The following CAMK1D variants were observed in gnomAD, a reference collection of about 807,000 sequenced individuals.
CAMK1D encodes the protein calcium/calmodulin dependent protein kinase ID, also known as calcium/calmodulin-dependent protein kinase type 1D.
In CAMK1D, 9 loss-of-function variants were observed where a neutral mutation model predicts 47.7. That is an observed-to-expected ratio of 0.19 (90% CI 0.11 to 0.33). The LOEUF (loss-of-function observed/expected upper bound fraction) is 0.33, where lower values mean the gene tolerates loss of function less well. Among genes scored for constraint, CAMK1D ranks in the 10% least tolerant of loss-of-function variants. The pLI is 1.00. For missense variants in CAMK1D, 291 were observed against 488.7 expected (o/e 0.60, Z 3.81); for synonymous variants, 184 against 184.9 (o/e 0.99, Z 0.04).
intron 2 of CAMK1D, among the ~76,000 whole-genome samples, chr10:12,666,102 G>A (rs767952732): frequency 9.9e-5 from 15 of 151,984 alleles, no homozygotes; most frequent in South Asian, 2.1e-4. Flanking sequence ...GGTGCTGCCT[G>A]TTTGAGAACC....
chr10:12,485,659 C>G (rs566834288), intron 1 of CAMK1D, among the ~76,000 whole-genome samples: 6 of 152,262 alleles, frequency 3.9e-5, no homozygotes, highest in African/African-American at 1.4e-4. Flanking sequence ...GCTCAAAACT[C>G]TAATTCAGCT....
chr10:12,702,660 A>G (rs1242729607), intron 3 of CAMK1D, among the ~76,000 whole-genome samples: 1 of 152,224 alleles, frequency 6.6e-6, no homozygotes, highest in African/African-American at 2.4e-5. Flanking sequence ...TCCCAGTTTT[A>G]CAAGAGAAGG....
chr10:12,674,473 T>C (rs890339777), intron 3 of CAMK1D, among the ~76,000 whole-genome samples: 1 of 152,106 alleles, frequency 6.6e-6, no homozygotes, highest in Non-Finnish European at 1.5e-5. Context: ...CTTAATATTA[T>C]TACCTGTCTA....
intron 1 of CAMK1D, among the ~76,000 whole-genome samples, chr10:12,507,610 C>T (rs1202788862): frequency 3.3e-5 from 5 of 152,042 alleles, no homozygotes; most frequent in Admixed American, 6.6e-5. Context: ...GGCTGAGGGC[C>T]GCCCGGAAGA....
chr10:12,505,614 G>A (rs1044164387), intron 1 of CAMK1D, among the ~76,000 whole-genome samples: 1 of 152,108 alleles, frequency 6.6e-6, no homozygotes, highest in Non-Finnish European at 1.5e-5. Flanking sequence ...CTCCTTTATT[G>A]CTTGCTTGTC....
At chr10:12,523,102 CT>C (rs1835490026) in intron 1 of CAMK1D, among the ~76,000 whole-genome samples, 2 of 151,026 alleles carry the variant, frequency 1.3e-5, no homozygotes, top group African/African-American at 4.9e-5. Flanking sequence ...CTCCTCACTT[CT>C]CAGACGGGGC....
At chr10:12,447,829 T>C (rs1039942558) in intron 1 of CAMK1D, among the ~76,000 whole-genome samples, 3 of 152,038 alleles carry the variant, frequency 2.0e-5, no homozygotes, top group Non-Finnish European at 4.4e-5. Context: ...CATGCTTGGC[T>C]GATTTATTTT....
Position 12,749,558 on chromosome 10 carries a change from G to GTTT in CAMK1D, c.300-11389_300-11387dup, listed in dbSNP as rs1340222495. 8.1e-3 allele frequency among the ~76,000 whole-genome samples: 1,102 copies of GTTT among 136,184 alleles called. 27 individuals carry two copies. The highest frequency in any genetic ancestry group is 0.03 in the African/African-American group (1,035 of 34,698). 89.3% of individuals were successfully genotyped at this position (136,184 alleles called of 152,430 possible). Reference sequence around the variant, plus strand: ...TTGTTTGTTTGTTTGTTTTTTGTTTGTTTGTTTGTTTGTTTGTTTTGATGA... The same window carrying GTTT: ...TTGTTTGTTTGTTTGTTTTTTGTTTGTTTTTTGTTTGTTTGTTTGTTTTGATGA... On this transcript the variant is annotated intron_variant, in intron 3 of 10. Coordinates refer to ENST00000619168, the MANE Select transcript of CAMK1D (RefSeq NM_153498.4).
intron 1 of CAMK1D, among the ~76,000 whole-genome samples, chr10:12,500,926 C>A (rs1226239725): frequency 6.6e-6 from 1 of 152,246 alleles, no homozygotes; most frequent in East Asian, 1.9e-4. Flanking sequence ...TTCAGTGCAG[C>A]CTCACAATCA....
At chr10:12,607,677 G>A (rs971534215) in intron 2 of CAMK1D, among the ~76,000 whole-genome samples, 4 of 152,148 alleles carry the variant, frequency 2.6e-5, no homozygotes, top group African/African-American at 9.7e-5. Context: ...GAACTAATAG[G>A]GCACCTGGTG....
At chr10:12,675,289 T>A (rs2132586809) in intron 3 of CAMK1D, among the ~76,000 whole-genome samples, 1 of 152,340 alleles carries the variant, frequency 6.6e-6, no homozygotes, top group Middle Eastern at 3.4e-3. Context: ...CCTGGAGCCC[T>A]GTCCAGAACT....
chr10:12,609,460 G>A (rs1035910819), intron 2 of CAMK1D, among the ~76,000 whole-genome samples: 1 of 152,190 alleles, frequency 6.6e-6, no homozygotes, highest in Non-Finnish European at 1.5e-5. Context: ...ATAATGTAGA[G>A]CCAGTGGCAG....
chr10:12,719,007 C>G (rs1834264364), intron 3 of CAMK1D, among the ~76,000 whole-genome samples: 1 of 152,170 alleles, frequency 6.6e-6, no homozygotes, highest in Admixed American at 6.5e-5. Flanking sequence ...CTGCTAAGTC[C>G]ACTGAAACCC....
intron 3 of CAMK1D, among the ~76,000 whole-genome samples, chr10:12,703,046 T>C (rs1276061142): frequency 6.6e-6 from 1 of 152,136 alleles, no homozygotes; most frequent in Non-Finnish European, 1.5e-5. Flanking sequence ...TAGGTCAGAG[T>C]TGTTTCCAAA....
chr10:12,387,391 T>A (rs80270697), intron 1 of CAMK1D, among the ~76,000 whole-genome samples: 8,449 of 63,880 alleles, frequency 0.13, 558 homozygotes, highest in South Asian at 0.21. Context: ...TTATATATAT[T>A]ATATATTTTT....
intron 6 of CAMK1D, among the ~76,000 whole-genome samples, chr10:12,806,895 G>A (rs762629638): frequency 2.6e-5 from 4 of 152,010 alleles, no homozygotes; most frequent in African/African-American, 7.3e-5. Context: ...GGGCTGTGGC[G>A]GTCTGGCTAG....
At chr10:12,374,258 C>CAAAAAAAAAAAAAAAAAA (rs56312810) in intron 1 of CAMK1D, among the ~76,000 whole-genome samples, 3 of 91,720 alleles carry the variant, frequency 3.3e-5, no homozygotes, top group East Asian at 3.3e-4. Flanking sequence ...GACTCTGTCT[C>CAAAAAAAAAAAAAAAAAA]AAAAAAAAAA....
At chr10:12,576,834 A>G (rs565600376) in intron 2 of CAMK1D, among the ~76,000 whole-genome samples, 53 of 152,176 alleles carry the variant, frequency 3.5e-4, no homozygotes, top group Admixed American at 7.2e-4. Context: ...TTGTAGACAA[A>G]TCCATGCTGG....
intron 1 of CAMK1D, among the ~76,000 whole-genome samples, chr10:12,365,412 T>C (rs769483037): frequency 6.6e-6 from 1 of 152,096 alleles, no homozygotes; most frequent in Non-Finnish European, 1.5e-5. Context: ...GGAGCAATTA[T>C]GATGTTGCAA....
Sources: allele counts gnomAD v4.1 joint callset (sites outside exome capture counted in the v4.1 genomes callset), GRCh38; gene constraint gnomAD v4.1.1; transcripts MANE v1.5; gene names NCBI Gene and HGNC (gene_info 2026-07-23, HGNC 2026-07-21).